The following MAP2 variants were observed in gnomAD, a reference collection of about 807,000 sequenced individuals.
MAP2 encodes microtubule associated protein 2.
MAP2 carries 14 observed loss-of-function variants against 137.6 expected under a neutral mutation model. The observed-to-expected ratio is 0.10, with a 90% CI of 0.07 to 0.16. The LOEUF is 0.16. Among genes scored for constraint, MAP2 ranks in the 10% least tolerant of loss-of-function variants. The pLI is 1.00. For missense variants in MAP2, 2,088 were observed against 2,191.5 expected, an observed-to-expected ratio of 0.95 and a Z score of 0.94; for synonymous variants, 786 against 782.3, an observed-to-expected ratio of 1.00 and a Z score of -0.08.
intron 5 of MAP2, among the ~76,000 whole-genome samples, chr2:209,672,939 G>C (rs1444136334): frequency 6.6e-6 from 1 of 151,746 alleles, no homozygotes; most frequent in South Asian, 2.1e-4. Flanking sequence ...TTAATCTCCT[G>C]TATGTGTTTC....
intron 1 of MAP2, among the ~76,000 whole-genome samples, chr2:209,450,967 A>G (rs1013674371): frequency 6.8e-6 from 1 of 146,304 alleles, no homozygotes; most frequent in Non-Finnish European, 1.5e-5. Context: ...TTTCTAAGTT[A>G]TGAAATAATT....
chr2:209,551,939 G>A (rs1321985261), intron 2 of MAP2, among the ~76,000 whole-genome samples: 1 of 152,118 alleles, frequency 6.6e-6, no homozygotes, highest in African/African-American at 2.4e-5. Flanking sequence ...ATTTTAAACT[G>A]AAGACTCATC....
chr2:209,516,733 T>C (rs2062568596), intron 2 of MAP2, among the ~76,000 whole-genome samples: 1 of 152,116 alleles, frequency 6.6e-6, no homozygotes, highest in South Asian at 2.1e-4. Flanking sequence ...GAAGACCTAA[T>C]TTAGACTGTC....
At chr2:209,431,695 C>T (rs1694327576) in intron 1 of MAP2, among the ~76,000 whole-genome samples, 3 of 152,132 alleles carry the variant, frequency 2.0e-5, no homozygotes. Flanking sequence ...AGAGGTGTCA[C>T]TGAAGACTCA....
chr2:209,562,757 A>G (rs1027323531), intron 2 of MAP2, among the ~76,000 whole-genome samples: 2 of 152,048 alleles, frequency 1.3e-5, no homozygotes, highest in African/African-American at 4.8e-5. Context: ...AACTGAAACC[A>G]ATGCCTCAAA....
In MAP2 at chr2:209,694,827, G is replaced by C. The variant is rs1442973696; in HGVS notation, c.2657G>C (p.Ser886Thr). The C allele has an allele frequency of 6.2e-7, 1 of 1,614,174 alleles. No homozygotes were observed. Among genetic ancestry groups the C allele is most frequent in the Non-Finnish European group, 8.5e-7 (1 of 1,180,016 alleles). ...TVPLPSPVQD[S>T]ENLSGESGTF... is the part of the protein sequence containing the mutation. Reference sequence around the variant, plus strand: ...CCATTGCCATCACCTGTTCAAGACAGTGAGAATTTATCAGGGGAGAGTGGT... The same window carrying C: ...CCATTGCCATCACCTGTTCAAGACACTGAGAATTTATCAGGGGAGAGTGGT... Residue 886 changes from serine to threonine, a missense_variant, in exon 8 of 16, where the codon AGT becomes ACT. By Grantham distance (58) the Ser-to-Thr change is moderately conservative. Transcript: ENST00000682079.
intron 2 of MAP2, among the ~76,000 whole-genome samples, chr2:209,534,054 A>G (rs913936631): frequency 8.5e-5 from 13 of 152,224 alleles, no homozygotes; most frequent in African/African-American, 3.1e-4. Context: ...CCAAAGGGCT[A>G]TGCAAAATAC....
At chr2:209,678,242 A>G (rs2052868180) in intron 5 of MAP2, among the ~76,000 whole-genome samples, 1 of 151,966 alleles carries the variant, frequency 6.6e-6, no homozygotes, top group South Asian at 2.1e-4. Flanking sequence ...GGATACAAAC[A>G]CTCATTCTAT....
chr2:209,637,836 T>C (rs907956521), intron 4 of MAP2, among the ~76,000 whole-genome samples: 5 of 152,166 alleles, frequency 3.3e-5, no homozygotes, highest in African/African-American at 1.2e-4. Context: ...AAATTTGTTT[T>C]ATTTTAATAT....
chr2:209,475,217 A>C (rs923019831), intron 1 of MAP2, among the ~76,000 whole-genome samples: 8 of 152,110 alleles, frequency 5.3e-5, no homozygotes, highest in Non-Finnish European at 1.0e-4. Flanking sequence ...CACAAATCAC[A>C]AGTCAGTGAA....
rs759730818 is a variant in MAP2 at position 209,709,930 on chromosome 2, C to T, written c.4749C>T (p.Arg1583=). ...TTAATACAGGGTCAGAGCCAATTCG[C>T]AGAGCAGGGAAGAGTGGTACCTCAA... is the stretch of plus-strand genomic sequence containing the variant. ...ARRTTRSEPI[R]RAGKSGTSTP... Residue 1583 remains arginine (R), a synonymous_variant, in exon 13 of 16, where the codon CGC becomes CGT. Coordinates refer to ENST00000682079, the MANE Select transcript of MAP2 (RefSeq NM_001375505.1). The T allele has an allele frequency of 5.0e-6, 8 of 1,612,992 alleles. No homozygotes were observed. In the East Asian group the frequency reaches 1.8e-4, roughly 36 times the overall value.
intron 2 of MAP2, among the ~76,000 whole-genome samples, chr2:209,565,466 C>G (rs370298129): frequency 7.9e-5 from 12 of 152,194 alleles, no homozygotes; most frequent in African/African-American, 2.9e-4. Flanking sequence ...GCGATCCTCC[C>G]ACTTCGGTCT....
chr2:209,732,320 A>G lies in MAP2; in HGVS notation c.*1923A>G, dbSNP rs2075878072. The G allele has an allele frequency of 6.6e-6, 1 of 152,238 alleles. No homozygotes were observed. Among genetic ancestry groups the G allele is most frequent in the Admixed American group, 6.5e-5 (1 of 15,272 alleles). 9.4% of individuals were successfully genotyped at this position (152,238 alleles called of 1,614,324 possible). A position where few individuals can be genotyped will look rare whatever the true frequency, so the allele number is the denominator to read the frequency against. ...ATATGGCAACCAGTGTAACTGCCAT[A>G]CAAGAAACCCTAGGAGCAAACCCAC... On this transcript the variant is annotated 3_prime_UTR_variant, in exon 16 of 16. Coordinates refer to ENST00000682079, the MANE Select transcript of MAP2 (RefSeq NM_001375505.1).
chr2:209,547,655 C>T (rs995995052), intron 2 of MAP2, among the ~76,000 whole-genome samples: 1 of 152,164 alleles, frequency 6.6e-6, no homozygotes, highest in African/African-American at 2.4e-5. Context: ...TGTTACTTAA[C>T]CTCTCTGTGC....
intron 1 of MAP2, among the ~76,000 whole-genome samples, chr2:209,493,703 T>G (rs9751733): frequency 0.03 from 4,625 of 152,214 alleles, 89 homozygotes; most frequent in South Asian, 0.069. Flanking sequence ...CACTGGTCAT[T>G]AGAGAAAAGC....
chr2:209,588,211 G>C lies in MAP2; in HGVS notation c.-107+8111G>C, dbSNP rs533003841. Among the ~76,000 whole-genome samples, 6 of 152,318 alleles carry C rather than the reference G, an allele frequency of 3.9e-5. No homozygotes were observed. The East Asian group carries it at 1.2e-3, about 29-fold the overall frequency. On this transcript the variant is annotated intron_variant, in intron 3 of 15. Transcript: ENST00000682079. The stretch of plus-strand genomic sequence containing the variant: ...ACTATTTGCAGAATTTGAATACCAT[G>C]CCCATGCATTCAATTGTTAAGAGTC...
At chr2:209,723,399 C>T (rs1280127648) in intron 13 of MAP2, among the ~76,000 whole-genome samples, 1 of 152,052 alleles carries the variant, frequency 6.6e-6, no homozygotes, top group Non-Finnish European at 1.5e-5. Context: ...CGCATTTGAC[C>T]CTTGTGGGTG....
chr2:209,670,943 C>G (rs369806901), intron 5 of MAP2, among the ~76,000 whole-genome samples: 2 of 151,872 alleles, frequency 1.3e-5, no homozygotes, highest in African/African-American at 4.8e-5. Flanking sequence ...AAGAATAGCT[C>G]CATTGTCTAT....
chr2:209,540,683 A>ACAG (rs2066866691), intron 2 of MAP2, among the ~76,000 whole-genome samples: 1 of 148,040 alleles, frequency 6.8e-6, no homozygotes. Context: ...AAAGAAAATC[A>ACAG]CAGCACTTTA....
Sources: allele counts gnomAD v4.1 joint callset (sites outside exome capture counted in the v4.1 genomes callset), GRCh38; gene constraint gnomAD v4.1.1; transcripts MANE v1.5; gene names NCBI Gene and HGNC (gene_info 2026-07-23, HGNC 2026-07-21).